The following CROT variants were observed in gnomAD, a reference collection of about 807,000 sequenced individuals.
The protein encoded by CROT is carnitine O-octanoyltransferase, also known as peroxisomal carnitine O-octanoyltransferase.
In CROT, 84 loss-of-function variants were observed where a neutral mutation model predicts 89.2. The observed-to-expected ratio is 0.94, with a 90% CI of 0.79 to 1.13. The LOEUF (loss-of-function observed/expected upper bound fraction) is 1.13. Among genes scored for constraint, CROT ranks in the 50% most tolerant of loss-of-function variants. CROT has a pLI of 0.00. For missense variants in CROT, 711 were observed against 727.8 expected (o/e 0.98, Z 0.27); for synonymous variants, 212 against 239.5 (o/e 0.89, Z 1.06).
intron 13 of CROT, among the ~76,000 whole-genome samples, chr7:87,391,196 A>G (rs1047794983): frequency 8.5e-5 from 13 of 152,216 alleles, no homozygotes; most frequent in African/African-American, 3.1e-4. Flanking sequence ...AGAGAACAAG[A>G]GAGAGCTCTC....
chr7:87,375,552 C>G, intron 7 of CROT, 80 bp from the exon 8 acceptor site: 1 of 909,362 alleles, frequency 1.1e-6, no homozygotes, highest in Non-Finnish European at 1.7e-6. Flanking sequence ...AAATATTGAT[C>G]AATGTTATGA....
At position 87,383,551 on chromosome 7, in the gene CROT, A is replaced by G. The variant is rs1177274658; in HGVS notation, c.1301+1008A>G. Among the ~76,000 whole-genome samples, 5 of 148,918 alleles carry G rather than the reference A, an allele frequency of 3.4e-5. No individual in the cohort carries two copies. In the East Asian group the frequency reaches 9.8e-4, roughly 29 times the overall value. ...TGCTCTGTCGCCCAGGTTGGAGTGCAGTGGCATGGTCTTGGTTCCCTGCAA... is the reference window on the plus strand; with the variant it reads ...TGCTCTGTCGCCCAGGTTGGAGTGCGGTGGCATGGTCTTGGTTCCCTGCAA... On this transcript the variant is annotated intron_variant, in intron 13 of 17. Coordinates refer to ENST00000331536, the MANE Select transcript of CROT (RefSeq NM_021151.4).
At chr7:87,352,139 G>A (rs1198330263) in intron 3 of CROT, among the ~76,000 whole-genome samples, 1 of 152,196 alleles carries the variant, frequency 6.6e-6, no homozygotes, top group Non-Finnish European at 1.5e-5. Context: ...GCCTGAATTA[G>A]TTTTCAGGTG....
intron 3 of CROT, among the ~76,000 whole-genome samples, chr7:87,351,097 A>G (rs1805852071): frequency 6.6e-6 from 1 of 152,054 alleles, no homozygotes; most frequent in South Asian, 2.1e-4. Context: ...TCACGGGATC[A>G]GGAGATCGAG....
At chr7:87,364,972 G>A (rs1428643488) in intron 6 of CROT, among the ~76,000 whole-genome samples, 2 of 152,142 alleles carry the variant, frequency 1.3e-5, no homozygotes, top group Admixed American at 1.3e-4. Flanking sequence ...TTGGAAAGTG[G>A]AAAAAACAAA....
Position 87,349,081 on chromosome 7 carries a change from T to C in CROT, c.13T>C (p.Leu5=), listed in dbSNP as rs760951827. The C allele has an allele frequency of 2.5e-6, 4 of 1,594,118 alleles. No individual in the cohort carries two copies. The highest frequency in any genetic ancestry group is 3.4e-6 in the Non-Finnish European group (4 of 1,167,114). The change falls in exon 3 of 18, where the codon TTG becomes CTG. Residue 5 remains leucine (L), a synonymous_variant. Coordinates refer to ENST00000331536, the MANE Select transcript of CROT (RefSeq NM_021151.4). ...TTGTGATTTTATCATGGAAAATCAA[T>C]TGGCTAAATCAACTGAAGAACGAAC... is the stretch of plus-strand genomic sequence containing the variant. The part of the protein sequence containing the change: MENQ[L]AKSTEERTFQ...
At chr7:87,386,385 A>C (rs961374024) in intron 13 of CROT, among the ~76,000 whole-genome samples, 3 of 152,020 alleles carry the variant, frequency 2.0e-5, no homozygotes, top group Non-Finnish European at 2.9e-5. Context: ...TTATGTTTCA[A>C]TCTCAGGTTG....
chr7:87,355,363 G>A (rs544771154), intron 3 of CROT, among the ~76,000 whole-genome samples: 15 of 152,158 alleles, frequency 9.9e-5, no homozygotes, highest in South Asian at 2.1e-4. Flanking sequence ...GCCTCCCAAC[G>A]TGCTGGTGTT....
At chr7:87,363,007 T>C (rs1411337746) in intron 6 of CROT, among the ~76,000 whole-genome samples, 1 of 152,186 alleles carries the variant, frequency 6.6e-6, no homozygotes, top group Non-Finnish European at 1.5e-5. Flanking sequence ...AAGTTTAATG[T>C]GCAAATATGA....
At chr7:87,396,690 T>TA (rs11417845) in intron 17 of CROT, among the ~76,000 whole-genome samples, 109,743 of 148,934 alleles carry the variant, frequency 0.74, 40,321 homozygotes, top group Middle Eastern at 0.83. Flanking sequence ...ATGCTGATTG[T>TA]AAAAAAAAAA....
intron 4 of CROT, 111 bp downstream of exon 4, chr7:87,359,441 TA>T: frequency 6.9e-7 from 1 of 1,453,304 alleles, no homozygotes; most frequent in Non-Finnish European, 9.0e-7. Context: ...TTATTATTGT[TA>T]TTTTCATAAT....
chr7:87,384,781 T>A (rs184971226), intron 13 of CROT, among the ~76,000 whole-genome samples: 3 of 152,328 alleles, frequency 2.0e-5, no homozygotes, highest in Non-Finnish European at 4.4e-5. Context: ...TCAAGAAATA[T>A]TTGCCCAGTT....
At chr7:87,367,027 T>C (rs552592441) in intron 6 of CROT, among the ~76,000 whole-genome samples, 105 of 152,308 alleles carry the variant, frequency 6.9e-4, no homozygotes, top group Admixed American at 1.4e-3. Flanking sequence ...CATCATGACA[T>C]TTACCAGCCT....
chr7:87,354,958 C>T (rs1320469801), intron 3 of CROT, among the ~76,000 whole-genome samples: 1 of 152,144 alleles, frequency 6.6e-6, no homozygotes, highest in Non-Finnish European at 1.5e-5. Context: ...CCGTCTATGA[C>T]ATGCTTGGAC....
intron 13 of CROT, among the ~76,000 whole-genome samples, chr7:87,389,394 CTAGA>C (rs1807283367): frequency 6.6e-6 from 1 of 152,082 alleles, no homozygotes; most frequent in Admixed American, 6.5e-5. Flanking sequence ...CAATGATAGA[CTAGA>C]TAAAGAAAAT....
At chr7:87,384,308 G>C (rs1198864439) in intron 13 of CROT, among the ~76,000 whole-genome samples, 2 of 152,180 alleles carry the variant, frequency 1.3e-5, no homozygotes, top group East Asian at 1.9e-4. Flanking sequence ...GAGGTGGGCA[G>C]ATCACCTGAG....
chr7:87,396,820 T>G (rs1459837760), intron 17 of CROT, among the ~76,000 whole-genome samples: 1 of 152,188 alleles, frequency 6.6e-6, no homozygotes, highest in Non-Finnish European at 1.5e-5. Flanking sequence ...ATATTTACAC[T>G]GTAAATATTT....
At position 87,361,546 on chromosome 7, in the gene CROT, T is replaced by C. The variant is rs535721145; in HGVS notation, c.397T>C (p.Leu133=). The C allele has an allele frequency of 6.3e-7, 1 of 1,598,800 alleles. No homozygotes were observed. ...AGGAAGTATAACTCTTTGGCATAAC[T>C]TGAACTACTGGCAGCTATTAAGAAA... is the stretch of plus-strand genomic sequence containing the variant. The part of the protein sequence containing the change: ...ERGSITLWHN[L]NYWQLLRKEK... Residue 133 remains leucine, a synonymous_variant, in exon 5 of 18, where the codon TTG becomes CTG. Transcript: ENST00000331536.
chr7:87,393,102 A>G, intron 17 of CROT, 35 bp downstream of exon 17: 2 of 1,595,288 alleles, frequency 1.3e-6, no homozygotes, highest in East Asian at 2.2e-5. Flanking sequence ...TCTGTGCTAT[A>G]GAGTAGGAAA....
Sources: gnomAD v4.1 joint callset for allele counts (sites outside exome capture counted in the v4.1 genomes callset) on GRCh38, gnomAD v4.1.1 for gene constraint, MANE v1.5 for transcripts, NCBI Gene and HGNC (gene_info 2026-07-23, HGNC 2026-07-21) for gene names.